ASCL5: variants seen among roughly 807,000 people sequenced by gnomAD.
ASCL5 encodes achaete-scute family bHLH transcription factor 5.
For synonymous variants in ASCL5, 124 were observed against 131.5 expected (o/e 0.94, Z 0.39); for missense variants, 262 against 268.9 (o/e 0.97, Z 0.18).
intron 1 of ASCL5, among the ~76,000 whole-genome samples, chr1:201,118,324 T>TA (rs1235315881): frequency 1.3e-5 from 2 of 151,598 alleles, no homozygotes; most frequent in Non-Finnish European, 2.9e-5. Flanking sequence ...TACAAAAAAT[T>TA]AAAAAAATTA....
intron 1 of ASCL5, among the ~76,000 whole-genome samples, chr1:201,123,196 T>C (rs1050232324): frequency 5.3e-5 from 8 of 152,148 alleles, no homozygotes; most frequent in Admixed American, 2.6e-4. Flanking sequence ...GTCCGATTTT[T>C]CCCCTCCAAT....
At chr1:201,122,597 G>A (rs1051934551) in intron 1 of ASCL5, among the ~76,000 whole-genome samples, 1 of 152,188 alleles carries the variant, frequency 6.6e-6, no homozygotes, top group Non-Finnish European at 1.5e-5. Flanking sequence ...TCATTGGGTT[G>A]ATATGAGGAC....
chr1:201,117,670 TTTA>T lies in ASCL5; in HGVS notation c.-505-1796_-505-1794del, dbSNP rs544283298. Among the ~76,000 whole-genome samples the T allele has an allele frequency of 2.8e-3, 425 of 152,314 alleles. 4 individuals carry two copies. The highest frequency in any genetic ancestry group is 4.3e-3 in the African/African-American group (180 of 41,570). Reference sequence around the variant, plus strand: ...GGGGGCCCTCTCTACATCTCTCTGCTTTACCCAGAGTCCTGCCATCCTTGATTC... The same window carrying T: ...GGGGGCCCTCTCTACATCTCTCTGCTCCCAGAGTCCTGCCATCCTTGATTC... On this transcript the variant is annotated intron_variant, in intron 1 of 1. Coordinates refer to ENST00000449188, the MANE Select transcript of ASCL5 (RefSeq NM_001270601.2).
rs1186917884 is a variant in ASCL5 at position 201,117,425 on chromosome 1, G to T, written c.-505-1548C>A. Among the ~76,000 whole-genome samples, 5 of 151,734 alleles carry T rather than the reference G, an allele frequency of 3.3e-5. No homozygotes were observed. In the East Asian group the frequency reaches 7.7e-4, roughly 23 times the overall value. ...CATTCCAGCCTGGATGACAGAGCAA[G>T]ACTCCATTAAAAAAAAAAGAGTGAA... On this transcript the variant is annotated intron_variant, in intron 1 of 1. Coordinates refer to ENST00000449188, the MANE Select transcript of ASCL5 (RefSeq NM_001270601.2).
chr1:201,122,747 T>C (rs556322869), intron 1 of ASCL5, among the ~76,000 whole-genome samples: 1 of 152,262 alleles, frequency 6.6e-6, no homozygotes, highest in East Asian at 1.9e-4. Context: ...TGTGGAGTTA[T>C]GGGAAGATGT....
At chr1:201,122,199 T>G (rs577756862) in intron 1 of ASCL5, among the ~76,000 whole-genome samples, 29 of 152,314 alleles carry the variant, frequency 1.9e-4, no homozygotes, top group African/African-American at 6.5e-4. Flanking sequence ...CCCCAGAGCC[T>G]GCTTAGCCCC....
At chr1:201,118,939 G>A (rs769248455) in intron 1 of ASCL5, among the ~76,000 whole-genome samples, 8 of 152,124 alleles carry the variant, frequency 5.3e-5, no homozygotes, top group Non-Finnish European at 1.2e-4. Context: ...AACTAATAAA[G>A]GTTAATCCAC....
At chr1:201,118,682 T>C (rs1193185158) in intron 1 of ASCL5, among the ~76,000 whole-genome samples, 1 of 152,160 alleles carries the variant, frequency 6.6e-6, no homozygotes, top group African/African-American at 2.4e-5. Context: ...CTGGGACTGC[T>C]CTAGGTACTA....
rs1227953353 is a variant in ASCL5, at chr1:201,122,325, G to C, written c.-506+4759C>G. 2.0e-5 allele frequency among the ~76,000 whole-genome samples: 3 copies of C among 152,178 alleles called. No individual in the cohort carries two copies. The East Asian group carries it at 5.8e-4, about 29-fold the overall frequency. ...GAAAAGCTCACAGAGCTTTGACATG[G>C]GCTGACCAAGCCAAGTCCTCAATGT... On this transcript the variant is annotated intron_variant, in intron 1 of 1. Transcript: ENST00000449188.
chr1:201,122,957 T>C (rs1477953399), intron 1 of ASCL5, among the ~76,000 whole-genome samples: 6 of 152,218 alleles, frequency 3.9e-5, no homozygotes, highest in Non-Finnish European at 8.8e-5. Flanking sequence ...GTAATGTATG[T>C]GAGCCACGTG....
chr1:201,118,998 C>T (rs1663401515), intron 1 of ASCL5, among the ~76,000 whole-genome samples: 1 of 152,230 alleles, frequency 6.6e-6, no homozygotes, highest in African/African-American at 2.4e-5. Context: ...AGTGGCTTCT[C>T]ATCTGATCAA....
In ASCL5 at chr1:201,114,716, G is replaced by T; in HGVS notation, c.*36C>A. 8.1e-7 allele frequency: 1 copy of T among 1,229,966 alleles called. No individual in the cohort carries two copies. Among genetic ancestry groups the T allele is most frequent in the Non-Finnish European group, 1.0e-6 (1 of 986,760 alleles). 76.2% of individuals were successfully genotyped at this position (1,229,966 alleles called of 1,614,324 possible). A position where few individuals can be genotyped will look rare whatever the true frequency, so the allele number is the denominator to read the frequency against. On this transcript the variant is annotated 3_prime_UTR_variant, in exon 2 of 2. Transcript: ENST00000449188. The stretch of plus-strand genomic sequence containing the variant: ...TCCCGAAAGTGGGACGGGGCCGGCG[G>T]ATCATCCTCCAAGCCGGGGGCGGCC...
Position 201,114,227 on chromosome 1 carries a change from G to C in ASCL5, c.*525C>G, listed in dbSNP as rs901275646. On this transcript the variant is annotated 3_prime_UTR_variant, in exon 2 of 2. Transcript: ENST00000449188. ...TGGGCTGAGCGCCAGCAGCAATCTGGCCTCCCATCCCTTCCTCTGGGTTCC... is the reference window on the plus strand; with the variant it reads ...TGGGCTGAGCGCCAGCAGCAATCTGCCCTCCCATCCCTTCCTCTGGGTTCC... 6.6e-6 allele frequency: 1 copy of C among 152,290 alleles called. No individual in the cohort carries two copies. Among genetic ancestry groups the C allele is most frequent in the African/African-American group, 2.4e-5 (1 of 41,450 alleles). 9.4% of individuals were successfully genotyped at this position (152,290 alleles called of 1,614,324 possible).
intron 1 of ASCL5, among the ~76,000 whole-genome samples, chr1:201,125,199 A>G (rs951712361): frequency 6.6e-6 from 1 of 152,220 alleles, no homozygotes; most frequent in African/African-American, 2.4e-5. Context: ...TGTGAAGTTC[A>G]AGGAGATCGT....
chr1:201,122,519 A>G (rs1289875126), intron 1 of ASCL5, among the ~76,000 whole-genome samples: 1 of 152,128 alleles, frequency 6.6e-6, no homozygotes, highest in Non-Finnish European at 1.5e-5. Context: ...TTTACAAAAG[A>G]GGAAACAGGC....
chr1:201,126,438 G>A (rs752981226), intron 1 of ASCL5, among the ~76,000 whole-genome samples: 1 of 152,164 alleles, frequency 6.6e-6, no homozygotes, highest in Non-Finnish European at 1.5e-5. Context: ...TTTTACAGAT[G>A]GGGAAACTGA....
chr1:201,124,462 T>A (rs1033556658), intron 1 of ASCL5, among the ~76,000 whole-genome samples: 4 of 152,216 alleles, frequency 2.6e-5, no homozygotes, highest in African/African-American at 9.6e-5. Flanking sequence ...GGGGCCCATA[T>A]TATTGCCAAC....
chr1:201,116,827 A>C (rs1354368851), intron 1 of ASCL5, among the ~76,000 whole-genome samples: 1 of 152,076 alleles, frequency 6.6e-6, no homozygotes, highest in Non-Finnish European at 1.5e-5. Context: ...AGCACTTATC[A>C]CACTACTCTA....
chr1:201,122,796 G>A (rs940385191), intron 1 of ASCL5, among the ~76,000 whole-genome samples: 5 of 152,238 alleles, frequency 3.3e-5, no homozygotes, highest in Admixed American at 1.3e-4. Flanking sequence ...CCCTGAGCAC[G>A]GGCTTTAGAT....
Sources: gnomAD v4.1 joint callset for allele counts (sites outside exome capture counted in the v4.1 genomes callset) on GRCh38, gnomAD v4.1.1 for gene constraint, MANE v1.5 for transcripts, NCBI Gene and HGNC (gene_info 2026-07-23, HGNC 2026-07-21) for gene names.